The following ENOX1 variants were observed in gnomAD, a reference collection of about 807,000 sequenced individuals.
ENOX1 encodes ecto-NOX disulfide-thiol exchanger 1.
Under a neutral mutation model 82.5 loss-of-function variants are expected in ENOX1, and 42 were observed. That is an observed-to-expected ratio of 0.51 (90% CI 0.40 to 0.66). ENOX1 has a LOEUF of 0.66. ENOX1 is among the 30% of genes least tolerant of loss of function. ENOX1 has a pLI of 0.00. For synonymous variants in ENOX1, 271 were observed against 282.2 expected (o/e 0.96, Z 0.40); for missense variants, 608 against 811.6 (o/e 0.75, Z 3.05).
intron 14 of ENOX1, among the ~76,000 whole-genome samples, chr13:43,247,828 CA>C (rs2043157963): frequency 5.4e-5 from 2 of 37,090 alleles, no homozygotes; most frequent in African/African-American, 2.0e-4. Flanking sequence ...ACAGATGCAA[CA>C]TATATATATA....
In ENOX1 at chr13:43,553,736, A is replaced by C. The variant is rs144425625; in HGVS notation, c.-218-69584T>G. 1.5e-3 allele frequency among the ~76,000 whole-genome samples: 233 copies of C among 152,246 alleles called. 1 individual carries two copies. In the Middle Eastern group the frequency reaches 0.027, roughly 18 times the overall value. The stretch of plus-strand genomic sequence containing the variant: ...CTAGTCCTAGAGTATTGTGAGAATA[A>C]AGTATCTTTCTTTCTTTCTTTCTCT... On this transcript the variant is annotated intron_variant, in intron 2 of 16. Coordinates refer to ENST00000690772, the MANE Select transcript of ENOX1 (RefSeq NM_001347969.2).
chr13:43,280,436 A>G (rs569274237), intron 12 of ENOX1, among the ~76,000 whole-genome samples: 8 of 152,372 alleles, frequency 5.3e-5, no homozygotes, highest in African/African-American at 1.9e-4. Context: ...TACCATCATC[A>G]CTAGTCTCTT....
chr13:43,373,591 C>T (rs1268215219), intron 5 of ENOX1, among the ~76,000 whole-genome samples: 1 of 152,214 alleles, frequency 6.6e-6, no homozygotes, highest in East Asian at 1.9e-4. Flanking sequence ...CATACACATA[C>T]ACACACGTGT....
chr13:43,525,783 A>G (rs1346881952), intron 2 of ENOX1, among the ~76,000 whole-genome samples: 1 of 152,050 alleles, frequency 6.6e-6, no homozygotes, highest in Non-Finnish European at 1.5e-5. Flanking sequence ...TCTTCTTTGG[A>G]GAAATGTCTT....
chr13:43,416,232 C>A (rs2054525808), intron 3 of ENOX1, among the ~76,000 whole-genome samples: 1 of 140,732 alleles, frequency 7.1e-6, no homozygotes, highest in Non-Finnish European at 1.5e-5. Flanking sequence ...CCTCACTTCC[C>A]AGATGATGGG....
At chr13:43,526,480 T>C (rs913352285) in intron 2 of ENOX1, among the ~76,000 whole-genome samples, 1 of 152,096 alleles carries the variant, frequency 6.6e-6, no homozygotes. Flanking sequence ...CATAGCTTTC[T>C]AAAATACTGA....
intron 2 of ENOX1, among the ~76,000 whole-genome samples, chr13:43,564,948 T>C (rs1215652876): frequency 3.3e-5 from 5 of 151,976 alleles, no homozygotes; most frequent in African/African-American, 1.2e-4. Flanking sequence ...AGTCCATCAC[T>C]CTCTTAAAAA....
chr13:43,773,348 A>G (rs1044330880), intron 1 of ENOX1, among the ~76,000 whole-genome samples: 1 of 151,960 alleles, frequency 6.6e-6, no homozygotes, highest in African/African-American at 2.4e-5. Flanking sequence ...ATTTCACCTC[A>G]TTTTTTTTAC....
At chr13:43,358,190 T>C (rs1195903925) in intron 7 of ENOX1, among the ~76,000 whole-genome samples, 1 of 152,218 alleles carries the variant, frequency 6.6e-6, no homozygotes, top group Non-Finnish European at 1.5e-5. Flanking sequence ...TTATGAGGCT[T>C]CTGATTGGGT....
At chr13:43,298,571 T>G (rs2046404026) in intron 11 of ENOX1, 41 bp from the exon 12 acceptor site, 1 of 1,548,068 alleles carries the variant, frequency 6.5e-7, no homozygotes. Context: ...GCTACCTTCT[T>G]GCTTAGCTTG....
Position 43,592,401 on chromosome 13 carries a change from T to C in ENOX1, c.-219+75078A>G, listed in dbSNP as rs1315234675. Among the ~76,000 whole-genome samples the C allele has an allele frequency of 5.9e-5, 9 of 152,236 alleles. No individual in the cohort carries two copies. The East Asian group carries it at 1.5e-3, about 26-fold the overall frequency. On this transcript the variant is annotated intron_variant, in intron 2 of 16. Transcript: ENST00000690772. ...TGTGATTAAGTAATTTATGGGAACA[T>C]TCATGCAGCTTTATTTATAGATAAT...
intron 16 of ENOX1, among the ~76,000 whole-genome samples, chr13:43,223,357 T>C (rs1331202194): frequency 6.6e-6 from 1 of 152,216 alleles, no homozygotes; most frequent in Non-Finnish European, 1.5e-5. Flanking sequence ...GATGTTGTTT[T>C]ATTTTGTCAG....
intron 2 of ENOX1, among the ~76,000 whole-genome samples, chr13:43,516,435 G>A (rs2153679857): frequency 6.6e-6 from 1 of 152,268 alleles, no homozygotes; most frequent in Admixed American, 6.5e-5. Context: ...CTATCAACAT[G>A]TAAGCAGATG....
chr13:43,671,534 C>T (rs1035285562), intron 1 of ENOX1, among the ~76,000 whole-genome samples: 14 of 152,168 alleles, frequency 9.2e-5, no homozygotes, highest in Non-Finnish European at 1.8e-4. Context: ...CCATGATACT[C>T]TCTACACATA....
chr13:43,293,563 T>C (rs2046126720), intron 12 of ENOX1, among the ~76,000 whole-genome samples: 1 of 152,164 alleles, frequency 6.6e-6, no homozygotes, highest in Non-Finnish European at 1.5e-5. Flanking sequence ...ATTATTATGA[T>C]CTTGATTTTG....
chr13:43,665,981 A>G (rs968326950), intron 2 of ENOX1, among the ~76,000 whole-genome samples: 1 of 150,788 alleles, frequency 6.6e-6, no homozygotes. Context: ...AATATATTAC[A>G]GGCTCGGTTC....
intron 16 of ENOX1, among the ~76,000 whole-genome samples, chr13:43,221,974 T>C (rs190581188): frequency 6.4e-4 from 97 of 152,186 alleles, no homozygotes; most frequent in Non-Finnish European, 1.1e-3. Flanking sequence ...AGTTTTAGAG[T>C]ACTTTTTCAA....
intron 2 of ENOX1, among the ~76,000 whole-genome samples, chr13:43,504,901 T>C (rs1243314653): frequency 1.3e-5 from 2 of 151,756 alleles, no homozygotes; most frequent in African/African-American, 2.4e-5. Context: ...CATGGTTATA[T>C]ACTTATCTCT....
chr13:43,560,847 T>C (rs2079637102), intron 2 of ENOX1, among the ~76,000 whole-genome samples: 1 of 152,158 alleles, frequency 6.6e-6, no homozygotes. Flanking sequence ...TTAGTGAAAA[T>C]CCTGCTGAGT....
Sources: gnomAD v4.1 joint callset for allele counts (sites outside exome capture counted in the v4.1 genomes callset) on GRCh38, gnomAD v4.1.1 for gene constraint, MANE v1.5 for transcripts, NCBI Gene and HGNC (gene_info 2026-07-23, HGNC 2026-07-21) for gene names.